Variants in NEXN observed in about 807,000 individuals in gnomAD.
NEXN encodes nexilin.
In NEXN, 65 loss-of-function variants were observed where a neutral mutation model predicts 92.6. That is an observed-to-expected ratio of 0.70 (90% CI 0.57 to 0.86). NEXN has a LOEUF of 0.86. Ranked by LOEUF, NEXN falls within the 40% of genes least tolerant of loss-of-function variation. NEXN has a pLI of 0.00. For missense variants in NEXN, 778 were observed against 771.1 expected (o/e 1.01, Z -0.11); for synonymous variants, 254 against 242.5 (o/e 1.05, Z -0.44).
chr1:77,894,136 T>A (rs563745604), intron 1 of NEXN, among the ~76,000 whole-genome samples: 2 of 152,178 alleles, frequency 1.3e-5, no homozygotes, highest in South Asian at 4.2e-4. Flanking sequence ...TTTGTATTTT[T>A]AGTAGAGACG....
chr1:77,927,125 C>G (rs532956377), intron 8 of NEXN, among the ~76,000 whole-genome samples: 2 of 152,004 alleles, frequency 1.3e-5, no homozygotes, highest in South Asian at 4.2e-4. Context: ...AGTTTGAAAC[C>G]AGCCTGGCCA....
chr1:77,911,847 C>T (rs549047532), intron 1 of NEXN, among the ~76,000 whole-genome samples: 110 of 151,622 alleles, frequency 7.3e-4, no homozygotes, highest in African/African-American at 2.5e-3. Flanking sequence ...CTTTGGGAGG[C>T]TGAGGCAGGC....
In NEXN at chr1:77,935,522, T is replaced by C. The variant is rs17101082; in HGVS notation, c.1252-301T>C. Among the ~76,000 whole-genome samples, 13,189 of 152,296 alleles carry C rather than the reference T, an allele frequency of 0.087. 672 individuals carry two copies. The highest frequency in any genetic ancestry group is 0.15 in the African/African-American group (6,230 of 41,546). On this transcript the variant is annotated intron_variant, in intron 10 of 12. Coordinates refer to ENST00000334785, the MANE Select transcript of NEXN (RefSeq NM_144573.4). ...GAATGTTTTCAATAATGCCTTAAAT[T>C]TGTAGCACCATTTTGAGTTAGTAAA...
At chr1:77,911,292 T>C (rs1361704545) in intron 1 of NEXN, among the ~76,000 whole-genome samples, 1 of 152,142 alleles carries the variant, frequency 6.6e-6, no homozygotes, top group Non-Finnish European at 1.5e-5. Context: ...AGTCAAAACA[T>C]AGTCAAAACT....
chr1:77,943,547 T>C lies in NEXN; in HGVS notation c.*718T>C, dbSNP rs1311392849. The stretch of plus-strand genomic sequence containing the variant: ...AAGAATGGCTATACAGTGTTGAGTG[T>C]TGAGGATATTAAACATGTTATTTTT... On this transcript the variant is annotated 3_prime_UTR_variant, in exon 13 of 13. Transcript: ENST00000334785. 2.0e-5 allele frequency: 3 copies of C among 152,288 alleles called. No homozygotes were observed. Among genetic ancestry groups the C allele is most frequent in the African/African-American group, 4.8e-5 (2 of 41,392 alleles). 9.4% of individuals were successfully genotyped at this position (152,288 alleles called of 1,614,324 possible). A position where few individuals can be genotyped will look rare whatever the true frequency, so the allele number is the denominator to read the frequency against.
In NEXN at chr1:77,929,419, A is replaced by G. The variant is rs376358737; in HGVS notation, c.968A>G (p.Glu323Gly). Reference protein sequence around the residue: ...SFEEMERQRREDEKRKAEEEA... With the variant: ...SFEEMERQRRGDEKRKAEEEA... ...GAAGAAATGGAAAGGCAAAGAAGAG[A>G]AGATGAAAAAAGGAAAGCAGAAGAA... is the stretch of plus-strand genomic sequence containing the variant. The change falls in exon 9 of 13, where the codon GAA becomes GGA. Residue 323 changes from glutamate to glycine, a missense_variant. Physicochemically the swap from Glu to Gly is moderately conservative, Grantham distance 98. Around this residue, in one of 3 missense-constraint regions of NEXN, gnomAD observed 532 missense variants for 476.7 expected, o/e 1.12. Coordinates refer to ENST00000334785, the MANE Select transcript of NEXN (RefSeq NM_144573.4). 7.9e-5 allele frequency: 128 copies of G among 1,613,690 alleles called. No individual in the cohort carries two copies. The highest frequency in any genetic ancestry group is 1.7e-6 in the Non-Finnish European group (2 of 1,179,822).
chr1:77,914,525 A>C (rs988256950), intron 1 of NEXN, among the ~76,000 whole-genome samples: 20 of 152,224 alleles, frequency 1.3e-4, no homozygotes, highest in African/African-American at 4.3e-4. Context: ...GATATTAATA[A>C]TTACATTAAA....
chr1:77,904,386 A>G (rs932347932), intron 1 of NEXN, among the ~76,000 whole-genome samples: 2 of 152,226 alleles, frequency 1.3e-5, no homozygotes, highest in African/African-American at 4.8e-5. Flanking sequence ...GCATTTGAGA[A>G]TATGTTTCTA....
chr1:77,901,224 T>C (rs1365622269), intron 1 of NEXN, among the ~76,000 whole-genome samples: 2 of 152,142 alleles, frequency 1.3e-5, no homozygotes, highest in Non-Finnish European at 2.9e-5. Context: ...CTTAGAGACT[T>C]CAATCAAAAC....
At chr1:77,929,686 T>C (rs1392589870) in intron 9 of NEXN, among the ~76,000 whole-genome samples, 182 bp downstream of exon 9, 1 of 152,212 alleles carries the variant, frequency 6.6e-6, no homozygotes, top group Non-Finnish European at 1.5e-5. Flanking sequence ...TTTGCTTCAA[T>C]TTAGTGTTCA....
At chr1:77,934,583 G>A (rs761920309) in intron 10 of NEXN, among the ~76,000 whole-genome samples, 10 of 152,256 alleles carry the variant, frequency 6.6e-5, no homozygotes, top group Non-Finnish European at 1.5e-4. Flanking sequence ...TCCCTGGAAT[G>A]GGTTTTCATC....
At chr1:77,897,900 C>A (rs1647362786) in intron 1 of NEXN, among the ~76,000 whole-genome samples, 1 of 151,976 alleles carries the variant, frequency 6.6e-6, no homozygotes, top group African/African-American at 2.4e-5. Context: ...TGAGTGAACT[C>A]CCATTCACAA....
chr1:77,924,856 C>T (rs987098934), intron 5 of NEXN, among the ~76,000 whole-genome samples: 3 of 151,936 alleles, frequency 2.0e-5, no homozygotes, highest in African/African-American at 2.4e-5. Context: ...GAAGGGATCT[C>T]GCCATGTTGC....
intron 1 of NEXN, among the ~76,000 whole-genome samples, chr1:77,903,344 T>C (rs1647866390): frequency 6.6e-6 from 1 of 152,170 alleles, no homozygotes; most frequent in African/African-American, 2.4e-5. Flanking sequence ...TAATACAATA[T>C]GTATCAGTTA....
At chr1:77,894,099 C>T (rs1647167069) in intron 1 of NEXN, among the ~76,000 whole-genome samples, 1 of 151,918 alleles carries the variant, frequency 6.6e-6, no homozygotes, top group Non-Finnish European at 1.5e-5. Context: ...GCTAGGGTTA[C>T]AAGCATGCGC....
intron 1 of NEXN, among the ~76,000 whole-genome samples, chr1:77,895,334 C>T (rs113675772): frequency 5.3e-5 from 8 of 151,988 alleles, no homozygotes; most frequent in African/African-American, 9.6e-5. Flanking sequence ...CATGAGCCAC[C>T]GCGCCCGGTC....
rs540947760 is a variant in NEXN, at chr1:77,940,268, G to A, written c.1474-1755G>A. Among the ~76,000 whole-genome samples, 44 of 152,144 alleles carry A rather than the reference G, an allele frequency of 2.9e-4. 3 individuals carry two copies. Among genetic ancestry groups the A allele is most frequent in the African/African-American group, 1.0e-3 (43 of 41,508 alleles). ...AAAGTCTACTCCAAAACCACCTTAT[G>A]CCCCATTGTATCTCAAGGAAAATAC... On this transcript the variant is annotated intron_variant, in intron 11 of 12. Transcript: ENST00000334785.
Position 77,929,403 on chromosome 1 carries a change from GA to G in NEXN, c.955del (p.Arg319GlyfsTer19), listed in dbSNP as rs1253387498. The G allele has an allele frequency of 6.2e-7, 1 of 1,613,812 alleles. No individual in the cohort carries two copies. The highest frequency in any genetic ancestry group is 1.1e-5 in the South Asian group (1 of 91,058). Reference sequence around the variant, plus strand: ...ACTCAAACTCAGTTTTGAAGAAATGGAAAGGCAAAGAAGAGAAGATGAAAAA... The same window carrying G: ...ACTCAAACTCAGTTTTGAAGAAATGGAAGGCAAAGAAGAGAAGATGAAAAA... ...GKLKLSFEEM[E>X]RQRREDEKRK... On this transcript the variant is annotated frameshift_variant, in exon 9 of 13. Coordinates refer to ENST00000334785, the MANE Select transcript of NEXN (RefSeq NM_144573.4). LOFTEE classifies it high-confidence loss of function.
intron 11 of NEXN, among the ~76,000 whole-genome samples, chr1:77,941,041 G>A (rs868422415): frequency 3.3e-5 from 5 of 152,144 alleles, no homozygotes; most frequent in Non-Finnish European, 2.9e-5. Flanking sequence ...TACAAGGTAC[G>A]AGGTGTGAGG....
Sources: allele counts gnomAD v4.1 joint callset (sites outside exome capture counted in the v4.1 genomes callset), GRCh38; gene constraint gnomAD v4.1.1; regional missense constraint gnomAD v4.1.1; transcripts MANE v1.5; gene names NCBI Gene and HGNC (gene_info 2026-07-23, HGNC 2026-07-21).